The following SYNDIG1 variants were observed in gnomAD, a reference collection of about 807,000 sequenced individuals.
The protein encoded by SYNDIG1 is synapse differentiation-inducing gene protein 1.
A neutral mutation model predicts 19.4 loss-of-function variants in SYNDIG1; 9 were observed. The ratio of observed to expected loss-of-function variants is 0.46; its 90% CI spans 0.28 to 0.81. The LOEUF (loss-of-function observed/expected upper bound fraction) is 0.81. Among genes scored for constraint, SYNDIG1 ranks in the 30% least tolerant of loss-of-function variants. The pLI is 0.12. For synonymous variants in SYNDIG1, 141 were observed against 145.9 expected, an observed-to-expected ratio of 0.97 and a Z score of 0.24; for missense variants, 311 against 343.3, an observed-to-expected ratio of 0.91 and a Z score of 0.74.
intron 3 of SYNDIG1, among the ~76,000 whole-genome samples, chr20:24,622,792 A>G (rs918667288): frequency 6.6e-6 from 1 of 152,228 alleles, no homozygotes; most frequent in Admixed American, 6.5e-5. Flanking sequence ...ATTTTTTAAA[A>G]TCATGGCCAA....
chr20:24,507,460 G>A (rs1419504956), intron 1 of SYNDIG1, among the ~76,000 whole-genome samples: 1 of 152,234 alleles, frequency 6.6e-6, no homozygotes, highest in Non-Finnish European at 1.5e-5. Context: ...AAGGAGCTGT[G>A]ATGAGCTCAG....
intron 3 of SYNDIG1, among the ~76,000 whole-genome samples, chr20:24,663,263 C>T (rs1242588559): frequency 6.6e-6 from 1 of 152,220 alleles, no homozygotes; most frequent in African/African-American, 2.4e-5. Context: ...AGGCCCCTAA[C>T]ACACCACATT....
Position 24,557,458 on chromosome 20 carries a change from G to C in SYNDIG1, c.480+13881G>C, listed in dbSNP as rs529041371. 2.0e-5 allele frequency among the ~76,000 whole-genome samples: 3 copies of C among 152,220 alleles called. No individual in the cohort carries two copies. In the South Asian group the frequency reaches 6.2e-4, roughly 32 times the overall value. On this transcript the variant is annotated intron_variant, in intron 2 of 3. Transcript: ENST00000376862. ...GTTTTATCTACTTTTGGTCTTTGAT[G>C]ATGGTGATGTACAGATGGGTTTTTG...
intron 3 of SYNDIG1, among the ~76,000 whole-genome samples, chr20:24,650,316 A>G (rs551920011): frequency 1.3e-5 from 2 of 152,374 alleles, no homozygotes; most frequent in African/African-American, 4.8e-5. Flanking sequence ...CACCACGTTT[A>G]TAAACAGAAA....
At chr20:24,474,930 A>G (rs1397991653) in intron 1 of SYNDIG1, among the ~76,000 whole-genome samples, 1 of 152,232 alleles carries the variant, frequency 6.6e-6, no homozygotes, top group East Asian at 1.9e-4. Flanking sequence ...TTAGAACCAC[A>G]AAAGTTTTAT....
intron 1 of SYNDIG1, among the ~76,000 whole-genome samples, chr20:24,490,682 C>T (rs1035633504): frequency 1.3e-5 from 2 of 152,168 alleles, no homozygotes; most frequent in African/African-American, 4.8e-5. Context: ...AAGCAGGGGC[C>T]GGCATGACAG....
intron 3 of SYNDIG1, among the ~76,000 whole-genome samples, chr20:24,628,270 A>T (rs1307719259): frequency 4.6e-5 from 7 of 152,194 alleles, no homozygotes; most frequent in Admixed American, 4.6e-4. Flanking sequence ...ACTCTTCTGA[A>T]GGGAGTACCA....
intron 3 of SYNDIG1, among the ~76,000 whole-genome samples, chr20:24,595,623 G>C (rs551160096): frequency 6.6e-6 from 1 of 152,272 alleles, no homozygotes; most frequent in South Asian, 2.1e-4. Flanking sequence ...AAGCCATATA[G>C]TCCTTTCCAG....
chr20:24,517,093 T>C (rs1254304328), intron 1 of SYNDIG1, among the ~76,000 whole-genome samples: 1 of 151,982 alleles, frequency 6.6e-6, no homozygotes, highest in East Asian at 1.9e-4. Context: ...TAGGTGGGAA[T>C]TGAACAATGA....
At chr20:24,590,416 G>A (rs1350213137) in intron 3 of SYNDIG1, among the ~76,000 whole-genome samples, 4 of 152,104 alleles carry the variant, frequency 2.6e-5, no homozygotes, top group South Asian at 2.1e-4. Flanking sequence ...AAGAAGCCTC[G>A]GGGGTTTGAG....
chr20:24,664,278 T>A (rs2059628986), intron 3 of SYNDIG1, among the ~76,000 whole-genome samples: 1 of 151,974 alleles, frequency 6.6e-6, no homozygotes, highest in Non-Finnish European at 1.5e-5. Context: ...TGTTGGTGTG[T>A]TTTAGCTGGT....
At chr20:24,558,694 T>C (rs1331837749) in intron 2 of SYNDIG1, among the ~76,000 whole-genome samples, 1 of 152,222 alleles carries the variant, frequency 6.6e-6, no homozygotes, top group Non-Finnish European at 1.5e-5. Flanking sequence ...ATTTTAACTG[T>C]ATTGTTATTT....
chr20:24,530,347 G>C (rs1450281392), intron 1 of SYNDIG1, among the ~76,000 whole-genome samples: 1 of 152,184 alleles, frequency 6.6e-6, no homozygotes, highest in Non-Finnish European at 1.5e-5. Context: ...TTTGTGAACA[G>C]GAAGTCCCAG....
intron 1 of SYNDIG1, among the ~76,000 whole-genome samples, chr20:24,482,207 G>A (rs577237175): frequency 3.0e-4 from 46 of 152,250 alleles, no homozygotes; most frequent in Non-Finnish European, 5.7e-4. Context: ...TTTTGTTGTT[G>A]TTGTTGTTTT....
intron 3 of SYNDIG1, among the ~76,000 whole-genome samples, chr20:24,651,323 A>G (rs2059472159): frequency 6.6e-6 from 1 of 152,208 alleles, no homozygotes; most frequent in South Asian, 2.1e-4. Context: ...GGCCACAAGA[A>G]TGTCACAAAT....
intron 1 of SYNDIG1, among the ~76,000 whole-genome samples, chr20:24,473,316 CTAGGGGCA>C (rs2055524176): frequency 6.6e-6 from 1 of 152,168 alleles, no homozygotes; most frequent in Non-Finnish European, 1.5e-5. Flanking sequence ...CATCACTACA[CTAGGGGCA>C]TGGTGTCAAA....
At chr20:24,525,042 A>G (rs1600520199) in intron 1 of SYNDIG1, among the ~76,000 whole-genome samples, 2 of 152,078 alleles carry the variant, frequency 1.3e-5, no homozygotes, top group East Asian at 3.9e-4. Flanking sequence ...AAGGCTACAT[A>G]TTTCCCTCTT....
intron 3 of SYNDIG1, among the ~76,000 whole-genome samples, chr20:24,638,976 T>G (rs1384540542): frequency 6.6e-6 from 1 of 152,164 alleles, no homozygotes; most frequent in East Asian, 1.9e-4. Context: ...GACAACCTGC[T>G]GGGCCTCCCT....
intron 1 of SYNDIG1, among the ~76,000 whole-genome samples, chr20:24,503,164 C>T (rs1568590393): frequency 6.6e-6 from 1 of 152,164 alleles, no homozygotes; most frequent in Non-Finnish European, 1.5e-5. Context: ...GTTGCTCCTT[C>T]CTGAGGACTG....
Sources: allele counts gnomAD v4.1 joint callset (sites outside exome capture counted in the v4.1 genomes callset), GRCh38; gene constraint gnomAD v4.1.1; transcripts MANE v1.5; gene names NCBI Gene and HGNC (gene_info 2026-07-23, HGNC 2026-07-21).